Variants in FOXP2 observed in about 807,000 individuals in gnomAD.
FOXP2 encodes forkhead box protein P2.
Under a neutral mutation model 115.8 loss-of-function variants are expected in FOXP2, and 12 were observed. That is an observed-to-expected ratio of 0.10 (90% CI 0.07 to 0.17). The LOEUF is 0.17. Ranked by LOEUF, FOXP2 falls within the 10% of genes least tolerant of loss-of-function variation. The pLI is 1.00. For synonymous variants in FOXP2, 328 were observed against 297.7 expected (o/e 1.10, Z -1.05); for missense variants, 629 against 843.5 (o/e 0.75, Z 3.15).
chr7:114,620,167 T>G (rs556855888), intron 3 of FOXP2, among the ~76,000 whole-genome samples: 1 of 152,132 alleles, frequency 6.6e-6, no homozygotes, highest in African/African-American at 2.4e-5. Context: ...TTTAAATTGC[T>G]GAAACAAGGG....
intron 3 of FOXP2, among the ~76,000 whole-genome samples, chr7:114,582,790 T>C (rs1165213507): frequency 3.9e-5 from 6 of 152,232 alleles, no homozygotes; most frequent in African/African-American, 1.4e-4. Flanking sequence ...GAGAATTATA[T>C]GCAGAAATAT....
At chr7:114,381,822 G>A (rs1792310544) in intron 2 of FOXP2, among the ~76,000 whole-genome samples, 1 of 152,090 alleles carries the variant, frequency 6.6e-6, no homozygotes, top group African/African-American at 2.4e-5. Context: ...ATCTTTTGGA[G>A]TTCTTGTTGG....
chr7:114,133,418 G>A (rs2099367111), intron 1 of FOXP2, among the ~76,000 whole-genome samples: 2 of 152,296 alleles, frequency 1.3e-5, no homozygotes, highest in South Asian at 2.1e-4. Context: ...ATAAAAATTT[G>A]TAAGTTAGCA....
At chr7:114,267,779 A>G (rs905648909) in intron 1 of FOXP2, among the ~76,000 whole-genome samples, 20 of 136,568 alleles carry the variant, frequency 1.5e-4, no homozygotes, top group Non-Finnish European at 3.0e-4. Flanking sequence ...AAATAAATAA[A>G]TAAAATAAAT....
At chr7:114,409,468 A>G (rs1793113635), upstream of FOXP2, among the ~76,000 whole-genome samples, 1 of 152,186 alleles carries the variant, frequency 6.6e-6, no homozygotes, top group Non-Finnish European at 1.5e-5. Context: ...TTCATCTTTA[A>G]GAAACTTTTA....
chr7:114,171,735 A>G (rs190070819), intron 1 of FOXP2, among the ~76,000 whole-genome samples: 66 of 152,360 alleles, frequency 4.3e-4, no homozygotes, highest in African/African-American at 1.5e-3. Flanking sequence ...GATATATTTC[A>G]TAAGGCTGTA....
intron 6 of FOXP2, among the ~76,000 whole-genome samples, chr7:114,637,771 A>T (rs1399339222): frequency 6.6e-6 from 1 of 152,188 alleles, no homozygotes; most frequent in East Asian, 1.9e-4. Flanking sequence ...CCTCAGAAGG[A>T]GTCCTGAGAA....
intron 5 of FOXP2, 58 bp downstream of exon 5, chr7:114,630,063 G>A (rs1804818605): frequency 6.2e-7 from 1 of 1,601,334 alleles, no homozygotes; most frequent in Non-Finnish European, 8.5e-7. Flanking sequence ...GGGGCTTTGA[G>A]CGGCAAGAAT....
chr7:114,302,244 T>G (rs1796895314), intron 2 of FOXP2, among the ~76,000 whole-genome samples: 1 of 152,158 alleles, frequency 6.6e-6, no homozygotes, highest in Non-Finnish European at 1.5e-5. Flanking sequence ...CTCACACATG[T>G]GCAAATATGA....
At chr7:114,635,838 A>ATATT (rs1480920939) in intron 6 of FOXP2, among the ~76,000 whole-genome samples, 4 of 152,186 alleles carry the variant, frequency 2.6e-5, no homozygotes, top group African/African-American at 4.8e-5. Flanking sequence ...AGAAAAAGGA[A>ATATT]ACATCATTGG....
intron 1 of FOXP2, among the ~76,000 whole-genome samples, chr7:114,150,647 G>A (rs1792505346): frequency 2.0e-5 from 3 of 151,880 alleles, no homozygotes; most frequent in South Asian, 2.1e-4. Flanking sequence ...AATGTTAATA[G>A]CTGTTTAAAA....
chr7:114,297,075 C>G, intron 2 of FOXP2: 1 of 397,768 alleles, frequency 2.5e-6, no homozygotes, highest in Non-Finnish European at 5.0e-6. Flanking sequence ...TCCTGTCAAG[C>G]TGCCCTTTAT....
intron 1 of FOXP2, among the ~76,000 whole-genome samples, chr7:114,144,760 A>G (rs1056576693): frequency 5.3e-5 from 8 of 152,164 alleles, no homozygotes; most frequent in African/African-American, 1.9e-4. Flanking sequence ...AATATTTTAC[A>G]TGGAAAGAGT....
chr7:114,616,762 G>A (rs1803972803), intron 3 of FOXP2, among the ~76,000 whole-genome samples: 1 of 152,102 alleles, frequency 6.6e-6, no homozygotes, highest in Non-Finnish European at 1.5e-5. Context: ...TAAATCTAGA[G>A]CCATTACTCT....
chr7:114,536,313 C>A (rs1422058756), intron 3 of FOXP2, among the ~76,000 whole-genome samples: 1 of 150,952 alleles, frequency 6.6e-6, no homozygotes, highest in Non-Finnish European at 1.5e-5. Context: ...TCTTCCTCTC[C>A]AAAGCTAAGT....
At chr7:114,636,894 C>T (rs921264978) in intron 6 of FOXP2, among the ~76,000 whole-genome samples, 2 of 152,066 alleles carry the variant, frequency 1.3e-5, no homozygotes, top group Admixed American at 6.5e-5. Flanking sequence ...TATTATTAGG[C>T]CAAGTACAGT....
At chr7:114,329,739 C>T (rs376662548) in intron 2 of FOXP2, among the ~76,000 whole-genome samples, 56 of 151,770 alleles carry the variant, frequency 3.7e-4, no homozygotes, top group African/African-American at 9.4e-4. Context: ...GGCAGTGGCG[C>T]GAAACCAGCT....
intron 2 of FOXP2, among the ~76,000 whole-genome samples, chr7:114,444,050 C>A (rs1461656466): frequency 1.3e-5 from 2 of 152,052 alleles, no homozygotes; most frequent in Non-Finnish European, 2.9e-5. Flanking sequence ...ACATTTTTTA[C>A]TCACGTTTTA....
intron 16 of FOXP2, among the ~76,000 whole-genome samples, chr7:114,674,108 T>A (rs1198314252): frequency 6.6e-6 from 1 of 152,136 alleles, no homozygotes; most frequent in Non-Finnish European, 1.5e-5. Context: ...TGGAAATACA[T>A]CTTAGAAGAG....
Sources: gnomAD v4.1 joint callset for allele counts (sites outside exome capture counted in the v4.1 genomes callset) on GRCh38, gnomAD v4.1.1 for gene constraint, MANE v1.5 for transcripts, NCBI Gene and HGNC (gene_info 2026-07-23, HGNC 2026-07-21) for gene names.